The following NEFM variants were observed in gnomAD, a reference collection of about 807,000 sequenced individuals.
The protein encoded by NEFM is neurofilament medium polypeptide.
NEFM carries 16 observed loss-of-function variants against 48.1 expected under a neutral mutation model. The observed-to-expected ratio is 0.33, with a 90% CI of 0.23 to 0.51. NEFM has a LOEUF of 0.51. NEFM is among the 20% of genes least tolerant of loss of function. The pLI is 0.98. For missense variants in NEFM, 1,107 were observed against 1,136.0 expected, an observed-to-expected ratio of 0.97 and a Z score of 0.37; for synonymous variants, 465 against 456.9, an observed-to-expected ratio of 1.02 and a Z score of -0.23.
rs535342818 is a variant in NEFM at position 24,918,888 on chromosome 8, C to G, written c.*282C>G. On this transcript the variant is annotated 3_prime_UTR_variant, in exon 3 of 3. Transcript: ENST00000221166. ...TCTTGAGATGTATTATGCAAAGTACCAACTGAGCCAAAAACAATAAACGAA... is the reference window on the plus strand; with the variant it reads ...TCTTGAGATGTATTATGCAAAGTACGAACTGAGCCAAAAACAATAAACGAA... 118 of 431,998 alleles carry G rather than the reference C, an allele frequency of 2.7e-4. No individual in the cohort carries two copies. Among genetic ancestry groups the G allele is most frequent in the Non-Finnish European group, 4.6e-4 (110 of 237,258 alleles). 26.8% of individuals were successfully genotyped at this position (431,998 alleles called of 1,614,324 possible).
chr8:24,915,385 A>G, intron 1 of NEFM: 2 of 1,058,844 alleles, frequency 1.9e-6, no homozygotes, highest in South Asian at 3.3e-5. Context: ...GTGCCCAGGA[A>G]GTGTCCTATT....
chr8:24,914,572 A>G lies in NEFM; in HGVS notation c.779A>G (p.Asp260Gly). Reference protein sequence around the residue: ...QASHITVERKDYLKTDISTAL... With the variant: ...QASHITVERKGYLKTDISTAL... The stretch of plus-strand genomic sequence containing the variant: ...TCGCACATCACGGTGGAGCGCAAAG[A>G]CTACCTGAAGACAGACATCTCGACG... The change falls in exon 1 of 3, where the codon GAC becomes GGC. Residue 260 changes from aspartate (D) to glycine (G), a missense_variant. Transcript: ENST00000221166. 1 of 1,614,126 alleles carries G rather than the reference A, an allele frequency of 6.2e-7. No individual in the cohort carries two copies. The highest frequency in any genetic ancestry group is 8.5e-7 in the Non-Finnish European group (1 of 1,180,014).
rs1274259449 is a variant in NEFM at position 24,917,731 on chromosome 8, G to A, written c.1876G>A (p.Gly626Ser). 6.2e-7 allele frequency: 1 copy of A among 1,613,682 alleles called. No homozygotes were observed. The highest frequency in any genetic ancestry group is 2.2e-5 in the East Asian group (1 of 44,846). The change falls in exon 3 of 3, where the codon GGC becomes AGC. Residue 626 changes from glycine (G) to serine (S), a missense_variant. Transcript: ENST00000221166. ...PVPKSPVEEK[G>S]KSPVPKSPVE... Reference sequence around the variant, plus strand: ...GCCAAAATCACCAGTGGAAGAGAAAGGCAAGTCTCCTGTGCCCAAGTCACC... The same window carrying A: ...GCCAAAATCACCAGTGGAAGAGAAAAGCAAGTCTCCTGTGCCCAAGTCACC...
Position 24,914,676 on chromosome 8 carries a change from C to A in NEFM, c.883C>A (p.Arg295Ser), listed in dbSNP as rs201666371. The A allele has an allele frequency of 2.6e-5, 42 of 1,614,192 alleles. No homozygotes were observed. In the East Asian group the frequency reaches 9.1e-4, roughly 35 times the overall value. ...MHQAEEWFKC[R>S]YAKLTEAAEQ... ...CCAGGCCGAAGAGTGGTTCAAATGC[C>A]GCTACGCCAAGCTCACCGAGGCGGC... Residue 295 changes from arginine to serine, a missense_variant, in exon 1 of 3, where the codon CGC (arginine) becomes AGC (serine). Coordinates refer to ENST00000221166, the MANE Select transcript of NEFM (RefSeq NM_005382.2).
chr8:24,915,290 A>T (rs1487650926), intron 1 of NEFM: 1 of 1,284,724 alleles, frequency 7.8e-7, no homozygotes, highest in Non-Finnish European at 9.9e-7. Flanking sequence ...TCAGATGGGA[A>T]TGGCCAGGTC....
Position 24,917,445 on chromosome 8 carries a change from A to C in NEFM, c.1590A>C (p.Glu530Asp), listed in dbSNP as rs1802592963. 1 of 1,556,188 alleles carries C rather than the reference A, an allele frequency of 6.4e-7. No homozygotes were observed. The highest frequency in any genetic ancestry group is 1.4e-5 in the African/African-American group (1 of 73,176). The change falls in exon 3 of 3, where the codon GAA becomes GAC. Residue 530 changes from glutamate to aspartate, a missense_variant. Glu to Asp is a conservative substitution (Grantham distance 45, BLOSUM62 2). Transcript: ENST00000221166. Reference sequence around the variant, plus strand: ...AAGAGGAAGGGGAAAAGGAGGAAGAAGAAGGCCAGGAAGAAGAGGAGGAAG... The same window carrying C: ...AAGAGGAAGGGGAAAAGGAGGAAGACGAAGGCCAGGAAGAAGAGGAGGAAG... ...VKEEEGEKEE[E>D]EGQEEEEEED...
Position 24,914,082 on chromosome 8 carries a change from T to C in NEFM, c.289T>C (p.Ser97Pro), listed in dbSNP as rs1222655685. Residue 97 changes from serine to proline, a missense_variant, in exon 1 of 3, where the codon TCC becomes CCC. This residue lies in a region of NEFM where 186 missense variants were observed against 200.6 expected (regional missense o/e 0.93). Coordinates refer to ENST00000221166, the MANE Select transcript of NEFM (RefSeq NM_005382.2). ...CGGACCCGGCGGCGACTACAAGCTG[T>C]CCCGCTCCAACGAGAAGGAGCAGCT... ...GSGPGGDYKL[S>P]RSNEKEQLQG... 1.9e-6 allele frequency: 3 copies of C among 1,612,834 alleles called. No individual in the cohort carries two copies. The highest frequency in any genetic ancestry group is 1.1e-5 in the South Asian group (1 of 91,086).
At position 24,913,840 on chromosome 8, in the gene NEFM, G is replaced by A. The variant is rs539280666; in HGVS notation, c.47G>A (p.Arg16Gln). The A allele has an allele frequency of 7.5e-6, 12 of 1,605,282 alleles. No individual in the cohort carries two copies. The highest frequency in any genetic ancestry group is 9.4e-6 in the Non-Finnish European group (11 of 1,176,456). ...DSLGNPSAYRRVTETRSSFSR... is the reference protein window; with the variant it reads ...DSLGNPSAYRQVTETRSSFSR... ...CTGGGCAACCCGTCCGCCTACCGGC[G>A]GGTAACCGAGACCCGCTCGAGCTTC... The change falls in exon 1 of 3, where the codon CGG (arginine) becomes CAG (glutamine). Residue 16 changes from arginine (R) to glutamine (Q), a missense_variant. Arg to Gln is a conservative substitution (Grantham distance 43, BLOSUM62 1). This residue lies in a region of NEFM where 186 missense variants were observed against 200.6 expected (regional missense o/e 0.93). Transcript: ENST00000221166.
At position 24,913,830 on chromosome 8, in the gene NEFM, G is replaced by T. The variant is rs774587545; in HGVS notation, c.37G>T (p.Ala13Ser). 6.2e-7 allele frequency: 1 copy of T among 1,610,702 alleles called. No individual in the cohort carries two copies. Among genetic ancestry groups the T allele is most frequent in the Non-Finnish European group, 8.5e-7 (1 of 1,179,100 alleles). Residue 13 changes from alanine to serine, a missense_variant, in exon 1 of 3, where the codon GCC becomes TCC. By Grantham distance (99) the Ala-to-Ser change is moderately conservative (BLOSUM62 1). This residue lies in a region of NEFM where 186 missense variants were observed against 200.6 expected (regional missense o/e 0.93). Transcript: ENST00000221166. ...GTTGGACTCGCTGGGCAACCCGTCCGCCTACCGGCGGGTAACCGAGACCCG... is the reference window on the plus strand; with the variant it reads ...GTTGGACTCGCTGGGCAACCCGTCCTCCTACCGGCGGGTAACCGAGACCCG... ...YTLDSLGNPS[A>S]YRRVTETRSS...
At position 24,918,325 on chromosome 8, in the gene NEFM, G is replaced by A. The variant is rs762539334; in HGVS notation, c.2470G>A (p.Glu824Lys). The change falls in exon 3 of 3, where the codon GAA becomes AAA. Residue 824 changes from glutamate to lysine, a missense_variant. Physicochemically the swap from Glu to Lys is moderately conservative, Grantham distance 56 (BLOSUM62 1). Coordinates refer to ENST00000221166, the MANE Select transcript of NEFM (RefSeq NM_005382.2). ...QETKEKGSGR[E>K]EEKGVVTNGL... ...GACCAAGGAAAAAGGCAGTGGGAGG[G>A]AAGAGGAGAAAGGCGTTGTCACCAA... The A allele has an allele frequency of 1.1e-5, 18 of 1,613,984 alleles. No individual in the cohort carries two copies. The highest frequency in any genetic ancestry group is 1.4e-5 in the Non-Finnish European group (17 of 1,179,990).
Position 24,913,856 on chromosome 8 carries a change from C to T in NEFM, c.63C>T (p.Arg21=), listed in dbSNP as rs1802530236. ...CCTACCGGCGGGTAACCGAGACCCG[C>T]TCGAGCTTCAGCCGCGTCAGCGGCT... ...PSAYRRVTET[R]SSFSRVSGSP... is the part of the protein sequence containing the mutation. The change falls in exon 1 of 3, where the codon CGC becomes CGT. Residue 21 remains arginine (R), a synonymous_variant. Transcript: ENST00000221166. 1 of 1,607,966 alleles carries T rather than the reference C, an allele frequency of 6.2e-7. No individual in the cohort carries two copies. The highest frequency in any genetic ancestry group is 1.3e-5 in the African/African-American group (1 of 74,878).
chr8:24,917,669 C>G lies in NEFM; in HGVS notation c.1814C>G (p.Ala605Gly). ...ACCAAGGAGGAGCTGGTGGCAGATG[C>G]CAAGGTGGAAAAGCCAGAAAAAGCC... ...VATKEELVAD[A>G]KVEKPEKAKS... Residue 605 changes from alanine to glycine, a missense_variant, in exon 3 of 3, where the codon GCC (alanine) becomes GGC (glycine). Physicochemically the swap from Ala to Gly is moderately conservative, Grantham distance 60. Coordinates refer to ENST00000221166, the MANE Select transcript of NEFM (RefSeq NM_005382.2). 1 of 1,613,236 alleles carries G rather than the reference C, an allele frequency of 6.2e-7. No individual in the cohort carries two copies. Among genetic ancestry groups the G allele is most frequent in the Non-Finnish European group, 8.5e-7 (1 of 1,180,008 alleles).
At chr8:24,916,272 A>C (rs1317055508) in intron 2 of NEFM, among the ~76,000 whole-genome samples, 1 of 152,226 alleles carries the variant, frequency 6.6e-6, no homozygotes, top group Admixed American at 6.5e-5. Flanking sequence ...TATAAATTAT[A>C]TCAATATATC....
chr8:24,914,332 A>G lies in NEFM; in HGVS notation c.539A>G (p.Glu180Gly), dbSNP rs1802539007. 1 of 1,613,574 alleles carries G rather than the reference A, an allele frequency of 6.2e-7. No homozygotes were observed. Among genetic ancestry groups the G allele is most frequent in the African/African-American group, 1.3e-5 (1 of 74,952 alleles). Reference sequence around the variant, plus strand: ...CAGCTGGACTCGGACCACCTGGAGGAAGACATCCACCGGCTCAAGGAGCGC... The same window carrying G: ...CAGCTGGACTCGGACCACCTGGAGGGAGACATCCACCGGCTCAAGGAGCGC... ...QVQLDSDHLE[E>G]DIHRLKERFE... Residue 180 changes from glutamate (E) to glycine (G), a missense_variant, in exon 1 of 3, where the codon GAA becomes GGA. Physicochemically the swap from Glu to Gly is moderately conservative, Grantham distance 98 (BLOSUM62 -2). Coordinates refer to ENST00000221166, the MANE Select transcript of NEFM (RefSeq NM_005382.2).
chr8:24,916,316 A>G (rs1433031962), intron 2 of NEFM, among the ~76,000 whole-genome samples: 2 of 146,898 alleles, frequency 1.4e-5, no homozygotes, highest in African/African-American at 4.9e-5. Flanking sequence ...ATAGATACAC[A>G]TATGTGCATA....
intron 2 of NEFM, among the ~76,000 whole-genome samples, chr8:24,916,596 G>C (rs1386459355): frequency 6.6e-6 from 1 of 152,108 alleles, no homozygotes; most frequent in Non-Finnish European, 1.5e-5. Context: ...TTTATAACTC[G>C]ATACACCTGA....
At position 24,914,917 on chromosome 8, in the gene NEFM, C is replaced by CCGCG. The variant is rs764286516; in HGVS notation, c.1080+48_1080+51dup. 1.0e-5 allele frequency: 16 copies of CCGCG among 1,538,598 alleles called. No homozygotes were observed. The South Asian group carries it at 1.9e-4, about 18-fold the overall frequency. On this transcript the variant is annotated intron_variant, in intron 1 of 2. Coordinates refer to ENST00000221166, the MANE Select transcript of NEFM (RefSeq NM_005382.2). ...CGGCCAGCCTGCGCCAGCGCCAGCG[C>CCGCG]CGCGCGCCCCCGACACTTGGGCTCG... is the stretch of plus-strand genomic sequence containing the variant.
Position 24,915,639 on chromosome 8 carries a change from G to A in NEFM, c.1115G>A (p.Gly372Asp). The part of the protein sequence containing the change: ...TIQQLENELR[G>D]TKWEMARHLR... ...CAGCAGCTGGAAAATGAGCTTCGGG[G>A]CACAAAGTGGGAAATGGCTCGTCAT... The change falls in exon 2 of 3, where the codon GGC (glycine) becomes GAC (aspartate). Residue 372 changes from glycine to aspartate, a missense_variant. Around this residue, in one of 3 missense-constraint regions of NEFM, gnomAD observed 917 missense variants for 916.4 expected, o/e 1.00. Coordinates refer to ENST00000221166, the MANE Select transcript of NEFM (RefSeq NM_005382.2). The A allele has an allele frequency of 6.2e-7, 1 of 1,614,004 alleles. No individual in the cohort carries two copies. The highest frequency in any genetic ancestry group is 8.5e-7 in the Non-Finnish European group (1 of 1,179,978).
chr8:24,914,360 TGAG>T lies in NEFM; in HGVS notation c.575_577del (p.Glu192del). 1.2e-6 allele frequency: 2 copies of T among 1,613,524 alleles called. No homozygotes were observed. The highest frequency in any genetic ancestry group is 1.7e-6 in the Non-Finnish European group (2 of 1,179,924). ...ACATCCACCGGCTCAAGGAGCGCTT[TGAG>T]GAGGAGGCGCGGTTGCGCGACGACA... On this transcript the variant is annotated inframe_deletion, in exon 1 of 3. Coordinates refer to ENST00000221166, the MANE Select transcript of NEFM (RefSeq NM_005382.2).
Sources: gnomAD v4.1 joint callset for allele counts (sites outside exome capture counted in the v4.1 genomes callset) on GRCh38, gnomAD v4.1.1 for gene constraint, gnomAD v4.1.1 regional missense constraint, MANE v1.5 for transcripts, NCBI Gene and HGNC (gene_info 2026-07-23, HGNC 2026-07-21) for gene names.